Variants in RAI2 observed in about 807,000 individuals in gnomAD.
The protein encoded by RAI2 is retinoic acid-induced protein 2.
In RAI2, 5 loss-of-function variants were observed where a neutral mutation model predicts 15.3. The observed-to-expected ratio is 0.33, with a 90% CI of 0.17 to 0.69. The LOEUF (loss-of-function observed/expected upper bound fraction) is 0.69, where lower values mean the gene tolerates loss of function less well. Among genes scored for constraint, RAI2 ranks in the 30% least tolerant of loss-of-function variants. The pLI is 0.69. For synonymous variants in RAI2, 191 were observed against 184.0 expected (o/e 1.04, Z -0.31); for missense variants, 424 against 424.7 (o/e 1.00, Z 0.01).
intron 1 of RAI2, among the ~76,000 whole-genome samples, chrX:17,812,628 T>C (rs2067062033): frequency 8.9e-6 from 1 of 111,955 alleles, no homozygotes; most frequent in South Asian, 3.8e-4. Context: ...ATAATTTCAC[T>C]TCATATCCTT....
chrX:17,831,231 G>A (rs1377572340), intron 1 of RAI2, among the ~76,000 whole-genome samples: 2 of 111,721 alleles, frequency 1.8e-5, no homozygotes, highest in Non-Finnish European at 3.8e-5. Flanking sequence ...GTGATAGCTG[G>A]TAGAAAGTAA....
At chrX:17,809,770 GT>G (rs1419531758) in intron 1 of RAI2, among the ~76,000 whole-genome samples, 1 of 110,114 alleles carries the variant, frequency 9.1e-6, no homozygotes, top group Non-Finnish European at 1.9e-5. Flanking sequence ...CCCCTTCTGG[GT>G]TTTTTTGTGT....
chrX:17,849,145 T>G, intron 1 of RAI2, among the ~76,000 whole-genome samples: 1 of 112,296 alleles, frequency 8.9e-6, no homozygotes, highest in Non-Finnish European at 1.9e-5. Context: ...AACTGCTGGC[T>G]ACAGGCCTCT....
chrX:17,837,302 C>T (rs1361986664), intron 1 of RAI2, among the ~76,000 whole-genome samples: 3 of 112,071 alleles, frequency 2.7e-5, no homozygotes, highest in Non-Finnish European at 3.8e-5. Flanking sequence ...TGTGCAGGTG[C>T]AAGCCTGTTT....
intron 1 of RAI2, among the ~76,000 whole-genome samples, chrX:17,819,175 C>T (rs1277441346): frequency 8.9e-6 from 1 of 112,292 alleles, no homozygotes; most frequent in African/African-American, 3.2e-5. Flanking sequence ...TTAGTAGAAA[C>T]CTCCTGTCCC....
At chrX:17,848,757 C>T (rs913275960) in intron 1 of RAI2, among the ~76,000 whole-genome samples, 10 of 112,054 alleles carry the variant, frequency 8.9e-5, no homozygotes, top group African/African-American at 3.2e-4. Context: ...GTCTGTCTCA[C>T]TCTTTCCTAG....
intron 1 of RAI2, among the ~76,000 whole-genome samples, chrX:17,835,443 A>G (rs1057327312): frequency 2.7e-5 from 3 of 111,646 alleles, no homozygotes; most frequent in African/African-American, 9.8e-5. Context: ...ACCATTCCCA[A>G]CTCTTGGATA....
Position 17,800,628 on chromosome X carries a change from C to T in RAI2, c.1383G>A (p.Val461=). The T allele has an allele frequency of 8.3e-6, 10 of 1,209,765 alleles. No individual in the cohort carries two copies. The highest frequency in any genetic ancestry group is 1.0e-5 in the Non-Finnish European group (9 of 895,129). ...FCGKIKGLSG[V]STKNFSFKRE... ...TTTTGAAGGAGAAGTTTTTGGTGGA[C>T]ACCCCTGAGAGGCCTTTGATCTTGC... The change falls in exon 2 of 2, where the codon GTG becomes GTA. Residue 461 remains valine (V), a synonymous_variant. Transcript: ENST00000451717.
At chrX:17,828,670 C>T (rs1601919767) in intron 1 of RAI2, among the ~76,000 whole-genome samples, 1 of 111,561 alleles carries the variant, frequency 9.0e-6, no homozygotes, top group Admixed American at 9.5e-5. Context: ...CAGGGCAGAG[C>T]ACAAGAGAAT....
At chrX:17,831,532 T>A (rs1425908479) in intron 1 of RAI2, among the ~76,000 whole-genome samples, 1 of 111,865 alleles carries the variant, frequency 8.9e-6, no homozygotes, top group East Asian at 2.8e-4. Flanking sequence ...CATACTGAAT[T>A]ATTAACCCCA....
chrX:17,819,208 C>T (rs755794567), intron 1 of RAI2, among the ~76,000 whole-genome samples: 4 of 112,431 alleles, frequency 3.6e-5, no homozygotes, highest in African/African-American at 1.3e-4. Context: ...ACCTGGTTTC[C>T]CTCCTATGGG....
chrX:17,801,853 A>G lies in RAI2; in HGVS notation c.158T>C (p.Val53Ala). 1 of 1,210,700 alleles carries G rather than the reference A, an allele frequency of 8.3e-7. No homozygotes were observed. The highest frequency in any genetic ancestry group is 1.1e-6 in the Non-Finnish European group (1 of 895,223). Residue 53 changes from valine to alanine, a missense_variant, in exon 2 of 2, where the codon GTG (valine) becomes GCG (alanine). Transcript: ENST00000451717. ...TDLVKKALVT[V>A]PAPSILNPPA... ...GGGGTTCAGAATGGATGGGGCTGGC[A>G]CGGTCACCAGGGCCTTCTTTACCAG...
intron 1 of RAI2, among the ~76,000 whole-genome samples, chrX:17,859,667 G>C (rs2067662684): frequency 8.9e-6 from 1 of 112,580 alleles, no homozygotes; most frequent in Non-Finnish European, 1.9e-5. Context: ...CCAGATGAGG[G>C]GGGCCGGCCC....
chrX:17,818,963 T>C (rs1219858999), intron 1 of RAI2, among the ~76,000 whole-genome samples: 1 of 112,583 alleles, frequency 8.9e-6, no homozygotes, highest in Non-Finnish European at 1.9e-5. Context: ...CCATTTGCCC[T>C]GAGACTTGTC....
At position 17,811,440 on chromosome X, in the gene RAI2, G is replaced by A. The variant is rs181546949; in HGVS notation, c.-24-9406C>T. On this transcript the variant is annotated intron_variant, in intron 1 of 1. Coordinates refer to ENST00000451717, the MANE Select transcript of RAI2 (RefSeq NM_021785.6). The stretch of plus-strand genomic sequence containing the variant: ...AAGGTCTATCATCTTAAAGAGCTAC[G>A]GTTTTTGGACATTTTTCTGGCAACA... Among the ~76,000 whole-genome samples, 108 of 112,312 alleles carry A rather than the reference G, an allele frequency of 9.6e-4. 1 individual carries two copies. Among genetic ancestry groups the A allele is most frequent in the African/African-American group, 2.8e-3 (87 of 30,938 alleles).
At chrX:17,810,159 C>T (rs1007294981) in intron 1 of RAI2, among the ~76,000 whole-genome samples, 1 of 111,253 alleles carries the variant, frequency 9.0e-6, no homozygotes, top group Admixed American at 9.5e-5. Context: ...TACACTGACT[C>T]CCAGACCCGT....
At chrX:17,833,183 G>A (rs188044988) in intron 1 of RAI2, among the ~76,000 whole-genome samples, 8 of 111,874 alleles carry the variant, frequency 7.2e-5, no homozygotes, top group Admixed American at 6.6e-4. Context: ...TTTACACTGC[G>A]TAAAAGAAAC....
rs1318367941 is a variant in RAI2, at chrX:17,812,154, C to T, written c.-24-10120G>A. 2.7e-5 allele frequency among the ~76,000 whole-genome samples: 3 copies of T among 111,785 alleles called. No homozygotes were observed. The East Asian group carries it at 8.4e-4, about 31-fold the overall frequency. On this transcript the variant is annotated intron_variant, in intron 1 of 1. Coordinates refer to ENST00000451717, the MANE Select transcript of RAI2 (RefSeq NM_021785.6). ...TCATTCTCATTGTCAGTGCCATCAT[C>T]ATCATTGTGCCATTGGCATCATTGG...
At chrX:17,807,234 C>T (rs946469477) in intron 1 of RAI2, among the ~76,000 whole-genome samples, 14 of 111,544 alleles carry the variant, frequency 1.3e-4, no homozygotes, top group Admixed American at 4.8e-4. Context: ...TCATCCCCCA[C>T]CCTCACTGGG....
Sources: gnomAD v4.1 joint callset for allele counts (sites outside exome capture counted in the v4.1 genomes callset) on GRCh38, gnomAD v4.1.1 for gene constraint, MANE v1.5 for transcripts, NCBI Gene and HGNC (gene_info 2026-07-23, HGNC 2026-07-21) for gene names.